CLEC1B: variants seen among roughly 807,000 people sequenced by gnomAD.
CLEC1B encodes C-type lectin-like receptor 2.
Under a neutral mutation model 26.7 loss-of-function variants are expected in CLEC1B, and 26 were observed. The observed-to-expected ratio is 0.97, with a 90% confidence interval of 0.71 to 1.35. The LOEUF is 1.35. Among genes scored for constraint, CLEC1B ranks in the 40% most tolerant of loss-of-function variants. The pLI is 0.00. For synonymous variants in CLEC1B, 112 were observed against 96.0 expected (o/e 1.17, Z -0.97); for missense variants, 293 against 282.6 (o/e 1.04, Z -0.26).
intron 5 of CLEC1B, 52 bp downstream of exon 5, chr12:9,995,088 A>C (rs1417759925): frequency 2.5e-6 from 4 of 1,602,998 alleles, no homozygotes; most frequent in Non-Finnish European, 2.6e-6. Flanking sequence ...AGGGAATCTC[A>C]AGAATAAGAG....
chr12:9,996,932 T>C lies in CLEC1B; in HGVS notation c.352A>G (p.Arg118Gly), dbSNP rs1865064834. 6.2e-7 allele frequency: 1 copy of C among 1,614,012 alleles called. No homozygotes were observed. Residue 118 changes from arginine to glycine, a missense_variant, in exon 4 of 6, where the codon AGG (arginine) becomes GGG (glycine). Coordinates refer to ENST00000298527, the MANE Select transcript of CLEC1B (RefSeq NM_016509.4). ...CTCTCTTCCCATGTTAAGTTGTGCC[T>C]GAAGAACCCATAGCAGCTATCTCCA... ...YYGDSCYGFF[R>G]HNLTWEESKQ...
intron 4 of CLEC1B, among the ~76,000 whole-genome samples, chr12:9,996,143 G>T (rs1330363343): frequency 2.0e-5 from 3 of 152,134 alleles, no homozygotes; most frequent in Admixed American, 6.5e-5. Flanking sequence ...AGGAGATATT[G>T]TGTGAAAGTC....
intron 2 of CLEC1B, 58 bp downstream of exon 2, chr12:9,998,224 C>A: frequency 7.7e-7 from 1 of 1,299,672 alleles, no homozygotes; most frequent in South Asian, 1.2e-5. Flanking sequence ...GTGGGATATG[C>A]CATGACCCTT....
Position 9,998,306 on chromosome 12 carries a change from C to T in CLEC1B, c.139G>A (p.Gly47Arg), listed in dbSNP as rs374147676. 2.2e-5 allele frequency: 35 copies of T among 1,613,844 alleles called. No individual in the cohort carries two copies. The highest frequency in any genetic ancestry group is 8.3e-5 in the Admixed American group (5 of 59,980). ...LLILCVGMVVGLVALGIWSVM... is the reference protein window; with the variant it reads ...LLILCVGMVVRLVALGIWSVM... ...CACCAAATCCCCAGAGCCACCAGCCCGACAACCATCCCCACGCACAGGATC... is the reference window on the plus strand; with the variant it reads ...CACCAAATCCCCAGAGCCACCAGCCTGACAACCATCCCCACGCACAGGATC... The change falls in exon 2 of 6, where the codon GGG becomes AGG. Residue 47 changes from glycine (G) to arginine (R), a missense_variant. Coordinates refer to ENST00000298527, the MANE Select transcript of CLEC1B (RefSeq NM_016509.4).
intron 5 of CLEC1B, among the ~76,000 whole-genome samples, chr12:9,994,849 ACT>A (rs1864995859): frequency 6.6e-6 from 1 of 151,816 alleles, no homozygotes; most frequent in Admixed American, 6.6e-5. Flanking sequence ...ACACACACAC[ACT>A]CACACATACA....
chr12:9,997,095 C>A, intron 3 of CLEC1B, 65 bp downstream of exon 3: 1 of 1,609,366 alleles, frequency 6.2e-7, no homozygotes, highest in Non-Finnish European at 8.5e-7. Flanking sequence ...AAACTCCCTT[C>A]AGTTGCCATC....
intron 4 of CLEC1B, among the ~76,000 whole-genome samples, chr12:9,996,146 T>C (rs1865041159): frequency 6.6e-6 from 1 of 152,214 alleles, no homozygotes; most frequent in African/African-American, 2.4e-5. Context: ...AGATATTGTG[T>C]GAAAGTCACA....
At chr12:9,995,358 T>C (rs556444236) in intron 4 of CLEC1B, 112 bp from the exon 5 acceptor site, 1 of 844,512 alleles carries the variant, frequency 1.2e-6, no homozygotes, top group Admixed American at 1.7e-5. Context: ...TACATGTCTA[T>C]ATTAGTATTA....
At chr12:9,995,026 T>C (rs1298589348) in intron 5 of CLEC1B, 114 bp downstream of exon 5, 8 of 1,578,358 alleles carry the variant, frequency 5.1e-6, no homozygotes, top group Non-Finnish European at 6.9e-6. Context: ...AGCAGGTAAG[T>C]GACCCAGCTG....
At chr12:9,993,406 C>CAA (rs11412323) in intron 5 of CLEC1B, 119 bp from the exon 6 acceptor site, 7,444 of 504,348 alleles carry the variant, frequency 0.015, 8 homozygotes, top group South Asian at 0.022. Flanking sequence ...GAAAAAAAAA[C>CAA]AAAAAAAAAA....
chr12:9,995,398 C>T (rs1409382684), intron 4 of CLEC1B, 152 bp from the exon 5 acceptor site: 1 of 718,776 alleles, frequency 1.4e-6, no homozygotes, highest in Non-Finnish European at 2.5e-6. Flanking sequence ...TGAAATTGTA[C>T]CAATTTGACT....
Position 9,995,240 on chromosome 12 carries a change from T to C in CLEC1B, c.445A>G (p.Ile149Val), listed in dbSNP as rs1335235701. ...KIDNRNIVEY[I>V]KARTHLIRWV... ...CGAATTAAATGAGTCCTGGCTTTGA[T>C]GTACTCCTATTGTAAACATAAATAA... Residue 149 changes from isoleucine (I) to valine (V), a missense_variant, in exon 5 of 6, where the codon ATC becomes GTC. Physicochemically the swap from Ile to Val is conservative, Grantham distance 29. Coordinates refer to ENST00000298527, the MANE Select transcript of CLEC1B (RefSeq NM_016509.4). 3.1e-6 allele frequency: 5 copies of C among 1,611,934 alleles called. No individual in the cohort carries two copies. The highest frequency in any genetic ancestry group is 2.2e-5 in the South Asian group (2 of 91,058).
chr12:9,993,854 T>G (rs1028600748), intron 5 of CLEC1B, among the ~76,000 whole-genome samples: 5 of 152,164 alleles, frequency 3.3e-5, no homozygotes, highest in Non-Finnish European at 7.4e-5. Flanking sequence ...GAATATATAC[T>G]TATTGGTTTA....
rs1389444399 is a variant in CLEC1B at position 9,996,857 on chromosome 12, G to T, written c.427C>A (p.Arg143=). ...MNATLLKIDN[R]NIVEYIKART... is the part of the protein sequence containing the mutation. Reference sequence around the variant, plus strand: ...AAGAATCTTCTTACCACAATGTTCCGGTTGTCAATCTTCAGGAGAGTAGCA... The same window carrying T: ...AAGAATCTTCTTACCACAATGTTCCTGTTGTCAATCTTCAGGAGAGTAGCA... The change falls in exon 4 of 6, where the codon CGG becomes AGG. Residue 143 remains arginine (R), a synonymous_variant. Transcript: ENST00000298527. 6.2e-7 allele frequency: 1 copy of T among 1,613,946 alleles called. No individual in the cohort carries two copies.
chr12:9,996,892 G>A lies in CLEC1B; in HGVS notation c.392C>T (p.Thr131Ile), dbSNP rs762729909. ...CTTCAGGAGAGTAGCATTCATGTCA[G>A]TGCAGTACTGCTTACTCTCTTCCCA... ...LTWEESKQYC[T>I]DMNATLLKID... The change falls in exon 4 of 6, where the codon ACT becomes ATT. Residue 131 changes from threonine to isoleucine, a missense_variant. Transcript: ENST00000298527. The A allele has an allele frequency of 1.2e-6, 2 of 1,613,962 alleles. No homozygotes were observed. The highest frequency in any genetic ancestry group is 1.1e-5 in the South Asian group (1 of 91,076).
chr12:9,999,476 T>C (rs953715231), upstream of CLEC1B, among the ~76,000 whole-genome samples: 9 of 152,182 alleles, frequency 5.9e-5, no homozygotes, highest in Non-Finnish European at 1.2e-4. Context: ...CTAAATTACA[T>C]TGCTCAAATG....
chr12:10,000,893 T>C (rs1213264415), upstream of CLEC1B, among the ~76,000 whole-genome samples: 2 of 152,204 alleles, frequency 1.3e-5, no homozygotes, highest in Admixed American at 1.3e-4. Flanking sequence ...CAGTGTTTTG[T>C]TACCTAAAAT....
rs749609263 is a variant in CLEC1B, at chr12:9,996,858, G to A, written c.426C>T (p.Asn142=). 1 of 1,613,828 alleles carries A rather than the reference G, an allele frequency of 6.2e-7. No homozygotes were observed. Among genetic ancestry groups the A allele is most frequent in the African/African-American group, 1.3e-5 (1 of 74,896 alleles). The stretch of plus-strand genomic sequence containing the variant: ...AGAATCTTCTTACCACAATGTTCCG[G>A]TTGTCAATCTTCAGGAGAGTAGCAT... The part of the protein sequence containing the change: ...DMNATLLKID[N]RNIVEYIKAR... Residue 142 remains asparagine (N), a synonymous_variant, in exon 4 of 6, where the codon AAC becomes AAT. Transcript: ENST00000298527.
At chr12:9,994,998 C>A (rs182779803) in intron 5 of CLEC1B, 142 bp downstream of exon 5, 3 of 1,551,590 alleles carry the variant, frequency 1.9e-6, no homozygotes, top group African/African-American at 2.7e-5. Context: ...TTATGACCAG[C>A]GCTGTCTTGT....
Sources: allele counts gnomAD v4.1 joint callset (sites outside exome capture counted in the v4.1 genomes callset), GRCh38; gene constraint gnomAD v4.1.1; transcripts MANE v1.5; gene names NCBI Gene and HGNC (gene_info 2026-07-23, HGNC 2026-07-21).